The following VTI1A variants were observed in gnomAD, a reference collection of about 807,000 sequenced individuals.
VTI1A encodes vesicle transport through interaction with t-SNAREs 1A, also known as vesicle transport through interaction with t-SNAREs homolog 1A.
VTI1A carries 22 observed loss-of-function variants against 34.9 expected under a neutral mutation model. That is an observed-to-expected ratio of 0.63 (90% CI 0.45 to 0.90). VTI1A has a LOEUF of 0.90. Ranked by LOEUF, VTI1A falls within the 40% of genes least tolerant of loss-of-function variation. The probability of loss-of-function intolerance (pLI) is 0.00; values close to 1 mark genes in which losing one functional copy is unlikely to be tolerated. For synonymous variants in VTI1A, 87 were observed against 97.3 expected, an observed-to-expected ratio of 0.89 and a Z score of 0.62; for missense variants, 268 against 275.6, an observed-to-expected ratio of 0.97 and a Z score of 0.20.
At chr10:112,470,604 C>T (rs925043562) in intron 3 of VTI1A, among the ~76,000 whole-genome samples, 13 of 152,110 alleles carry the variant, frequency 8.5e-5, no homozygotes, top group African/African-American at 1.2e-4. Context: ...GTGCTGGGTG[C>T]GGTGGTTCAT....
At chr10:112,796,353 C>T (rs1271458997) in intron 7 of VTI1A, among the ~76,000 whole-genome samples, 1 of 150,986 alleles carries the variant, frequency 6.6e-6, no homozygotes, top group Non-Finnish European at 1.5e-5. Context: ...TTGCAGTGAG[C>T]CGAGATTGAG....
rs147462334 is a variant in VTI1A, at chr10:112,562,866, T to C, written c.427+24536T>C. Among the ~76,000 whole-genome samples, 146 of 152,246 alleles carry C rather than the reference T, an allele frequency of 9.6e-4. 1 individual carries two copies. The highest frequency in any genetic ancestry group is 3.4e-3 in the African/African-American group (142 of 41,546). On this transcript the variant is annotated intron_variant, in intron 5 of 7. Coordinates refer to ENST00000393077, the MANE Select transcript of VTI1A (RefSeq NM_145206.4). ...ACTGTCAGTGGAGGTGTCTTATCGC[T>C]GAGAGGAAAATGACACCGATCCTAT...
At chr10:112,849,887 C>T in the VTI1A span, among the ~76,000 whole-genome samples, 1 of 152,110 alleles carries the variant, frequency 6.6e-6, no homozygotes, top group Middle Eastern at 3.2e-3. Flanking sequence ...GAGGTGGGTG[C>T]AAGGGCGAGG....
At chr10:112,838,114 T>C in the VTI1A span, among the ~76,000 whole-genome samples, 1 of 152,140 alleles carries the variant, frequency 6.6e-6, no homozygotes, top group Non-Finnish European at 1.5e-5. Flanking sequence ...TGGTACTGAG[T>C]GCTTCTCCCT....
At chr10:112,776,405 G>A (rs1324306203) in intron 7 of VTI1A, among the ~76,000 whole-genome samples, 1 of 152,144 alleles carries the variant, frequency 6.6e-6, no homozygotes, top group East Asian at 1.9e-4. Context: ...GCTGGTGCAG[G>A]GGAGTGCAGA....
intron 5 of VTI1A, among the ~76,000 whole-genome samples, chr10:112,594,105 G>A (rs972821002): frequency 6.6e-6 from 1 of 152,042 alleles, no homozygotes; most frequent in Non-Finnish European, 1.5e-5. Flanking sequence ...TAGAGTCGGG[G>A]TTTCACTGTG....
At chr10:112,528,461 G>C (rs960513511) in intron 4 of VTI1A, among the ~76,000 whole-genome samples, 10 of 151,738 alleles carry the variant, frequency 6.6e-5, no homozygotes, top group African/African-American at 2.2e-4. Context: ...GATTTGACTT[G>C]GGATTTCAGC....
At chr10:112,551,216 C>T (rs1352256744) in intron 5 of VTI1A, among the ~76,000 whole-genome samples, 21 of 142,106 alleles carry the variant, frequency 1.5e-4, no homozygotes, top group Admixed American at 1.4e-3. Flanking sequence ...TGCACTCCAG[C>T]CTGGGCGGCA....
intron 2 of VTI1A, among the ~76,000 whole-genome samples, chr10:112,461,459 G>A (rs1199626035): frequency 6.6e-6 from 1 of 152,190 alleles, no homozygotes; most frequent in Non-Finnish European, 1.5e-5. Flanking sequence ...TGTGGATGGG[G>A]AGACTGAGAC....
intron 5 of VTI1A, among the ~76,000 whole-genome samples, chr10:112,645,782 G>A (rs1846754700): frequency 2.0e-5 from 3 of 151,898 alleles, no homozygotes; most frequent in South Asian, 4.1e-4. Flanking sequence ...TTACCCCTTT[G>A]CCTTTCTTGC....
At chr10:112,821,009 C>T (rs148455233), downstream of VTI1A, among the ~76,000 whole-genome samples, 4 of 152,260 alleles carry the variant, frequency 2.6e-5, no homozygotes, top group East Asian at 5.8e-4. Flanking sequence ...CCCAGTCAAA[C>T]ACCCCTGTGG....
rs566558861 is a variant in VTI1A, at chr10:112,449,798, G to C, written c.94+2331G>C. On this transcript the variant is annotated intron_variant, in intron 1 of 7. Transcript: ENST00000393077. ...AAAACTATGTCTTTCCTTAGCTGTA[G>C]TATTATATAAGGCCCAAACACAGGA... 5.3e-5 allele frequency: 8 copies of C among 152,252 alleles called. No homozygotes were observed. The East Asian group carries it at 1.5e-3, about 29-fold the overall frequency. The allele number at this position is 152,252 out of a possible 1,614,324, so 9.4% of individuals were successfully genotyped here.
At chr10:112,827,331 G>A in the VTI1A span, 2 of 151,920 alleles carry the variant, frequency 1.3e-5, no homozygotes, top group East Asian at 3.9e-4. Flanking sequence ...GGCTGTGGGT[G>A]TCAGGAGCGG....
At chr10:112,712,983 A>G (rs1360812020) in intron 7 of VTI1A, among the ~76,000 whole-genome samples, 2 of 152,156 alleles carry the variant, frequency 1.3e-5, no homozygotes, top group African/African-American at 2.4e-5. Context: ...TTCCACTGAC[A>G]TCGTGTCTCT....
chr10:112,849,124 C>A, the VTI1A span, among the ~76,000 whole-genome samples: 1 of 152,196 alleles, frequency 6.6e-6, no homozygotes, highest in Non-Finnish European at 1.5e-5. Flanking sequence ...CTGGTGGAAT[C>A]GACCAGTTAC....
At chr10:112,663,480 T>G (rs911204154) in intron 5 of VTI1A, among the ~76,000 whole-genome samples, 53 of 152,360 alleles carry the variant, frequency 3.5e-4, no homozygotes, top group African/African-American at 1.2e-3. Flanking sequence ...TTCTGTGGCA[T>G]CTTTCTACAT....
intron 3 of VTI1A, among the ~76,000 whole-genome samples, chr10:112,473,170 A>G (rs1438543314): frequency 6.8e-6 from 1 of 146,392 alleles, no homozygotes; most frequent in Non-Finnish European, 1.5e-5. Context: ...GTGCAGTGGC[A>G]TGATCTCAGC....
intron 1 of VTI1A, among the ~76,000 whole-genome samples, chr10:112,455,164 T>TCCC (rs1847396891): frequency 5.3e-4 from 1 of 1,874 alleles, no homozygotes; most frequent in Non-Finnish European, 9.9e-4. Context: ...CCTTCCCTCC[T>TCCC]CCCCTCCTCC....
intron 7 of VTI1A, among the ~76,000 whole-genome samples, chr10:112,758,129 C>T (rs1209820882): frequency 2.0e-5 from 3 of 152,168 alleles, no homozygotes; most frequent in African/African-American, 4.8e-5. Context: ...GTAGGACCCA[C>T]ATTAGAGCTG....
Sources: gnomAD v4.1 joint callset for allele counts (sites outside exome capture counted in the v4.1 genomes callset) on GRCh38, gnomAD v4.1.1 for gene constraint, MANE v1.5 for transcripts, NCBI Gene and HGNC (gene_info 2026-07-23, HGNC 2026-07-21) for gene names.